Variants in BANK1 observed in about 807,000 individuals in gnomAD.
BANK1 encodes the protein B cell scaffold protein with ankyrin repeats 1.
Under a neutral mutation model 94.5 loss-of-function variants are expected in BANK1, and 95 were observed. That is an observed-to-expected ratio of 1.00 (90% CI 0.85 to 1.19). BANK1 has a LOEUF of 1.19. BANK1 is among the 50% of genes most tolerant of loss of function. The pLI, the probability that BANK1 is intolerant of heterozygous loss-of-function variation, is 0.00. For missense variants in BANK1, 987 were observed against 932.2 expected, an observed-to-expected ratio of 1.06 and a Z score of -0.77; for synonymous variants, 334 against 308.4, an observed-to-expected ratio of 1.08 and a Z score of -0.87.
At position 101,955,214 on chromosome 4, in the gene BANK1, AAG is replaced by A. The variant is rs1234540356; in HGVS notation, c.1206+37029_1206+37030del. Among the ~76,000 whole-genome samples the A allele has an allele frequency of 9.2e-5, 14 of 152,164 alleles. 1 individual carries two copies. The highest frequency in any genetic ancestry group is 9.2e-4 in the Admixed American group (14 of 15,268). Reference sequence around the variant, plus strand: ...GAAACAGCAATAAAATCATTACTAAAAGAGATGATACGGTTAACATGGGAATA... The same window carrying A: ...GAAACAGCAATAAAATCATTACTAAAAGATGATACGGTTAACATGGGAATA... On this transcript the variant is annotated intron_variant, in intron 7 of 16. Transcript: ENST00000322953.
At chr4:101,882,790 A>G (rs1000880930) in intron 5 of BANK1, among the ~76,000 whole-genome samples, 5 of 151,962 alleles carry the variant, frequency 3.3e-5, no homozygotes, top group African/African-American at 9.7e-5. Flanking sequence ...ATTGGGAATT[A>G]CAACCACTCT....
At chr4:102,045,828 G>T (rs1256844669) in intron 11 of BANK1, among the ~76,000 whole-genome samples, 3 of 151,936 alleles carry the variant, frequency 2.0e-5, no homozygotes, top group African/African-American at 7.3e-5. Flanking sequence ...TCATGCTCAT[G>T]GGTAGGAAGA....
At chr4:102,007,628 A>T (rs539757605) in intron 7 of BANK1, among the ~76,000 whole-genome samples, 2 of 152,152 alleles carry the variant, frequency 1.3e-5, no homozygotes. Flanking sequence ...TAGTACATCT[A>T]TCAGAAAATA....
At chr4:101,951,851 C>T (rs1275823761) in intron 7 of BANK1, among the ~76,000 whole-genome samples, 3 of 142,726 alleles carry the variant, frequency 2.1e-5, no homozygotes, top group Admixed American at 1.4e-4. Flanking sequence ...GTACTCAGAA[C>T]CCATTTAGAT....
At chr4:101,822,205 C>CA (rs1726182759) in intron 1 of BANK1, among the ~76,000 whole-genome samples, 2 of 151,662 alleles carry the variant, frequency 1.3e-5, no homozygotes, top group South Asian at 4.2e-4. Context: ...TAAAAAAATA[C>CA]AAAAAATACA....
At chr4:101,811,562 A>T (rs959666602) in intron 1 of BANK1, among the ~76,000 whole-genome samples, 1 of 152,178 alleles carries the variant, frequency 6.6e-6, no homozygotes, top group Admixed American at 6.5e-5. Flanking sequence ...GTGTATATAC[A>T]TAAAGAAGCT....
intron 2 of BANK1, among the ~76,000 whole-genome samples, chr4:101,848,420 A>T (rs753461272): frequency 1.6e-4 from 24 of 151,704 alleles, no homozygotes; most frequent in Non-Finnish European, 3.2e-4. Context: ...CCATATTTTA[A>T]TTTTTTTTCT....
chr4:101,898,576 A>G (rs1321879743), intron 6 of BANK1, among the ~76,000 whole-genome samples: 1 of 152,080 alleles, frequency 6.6e-6, no homozygotes, highest in African/African-American at 2.4e-5. Context: ...AGGAATTGAA[A>G]AAGTATACAT....
At chr4:101,952,535 A>G (rs1560649766) in intron 7 of BANK1, among the ~76,000 whole-genome samples, 1 of 152,162 alleles carries the variant, frequency 6.6e-6, no homozygotes, top group Non-Finnish European at 1.5e-5. Context: ...CATAGTTATA[A>G]CAATAGAAAT....
At chr4:101,983,694 C>T (rs1725391504) in intron 7 of BANK1, among the ~76,000 whole-genome samples, 1 of 151,962 alleles carries the variant, frequency 6.6e-6, no homozygotes, top group African/African-American at 2.4e-5. Flanking sequence ...GACTTCCTAT[C>T]ACAAAGGATT....
chr4:101,803,940 G>C (rs1358721965), intron 1 of BANK1, among the ~76,000 whole-genome samples: 1 of 127,314 alleles, frequency 7.9e-6, no homozygotes, highest in African/African-American at 3.0e-5. Context: ...GGAGCTTGCA[G>C]TGAGCCGAGA....
chr4:101,983,871 A>G (rs1235078812), intron 7 of BANK1, among the ~76,000 whole-genome samples: 1 of 152,098 alleles, frequency 6.6e-6, no homozygotes, highest in Non-Finnish European at 1.5e-5. Context: ...AACATATTGG[A>G]TAGCATTAAT....
intron 2 of BANK1, among the ~76,000 whole-genome samples, chr4:101,843,449 G>C (rs543386543): frequency 6.6e-6 from 1 of 151,996 alleles, no homozygotes; most frequent in Non-Finnish European, 1.5e-5. Context: ...ATTGTTAATT[G>C]AAACATTAGT....
intron 13 of BANK1, among the ~76,000 whole-genome samples, chr4:102,063,361 A>T (rs1728487607): frequency 6.6e-6 from 1 of 151,804 alleles, no homozygotes; most frequent in Non-Finnish European, 1.5e-5. Context: ...TAACATATAA[A>T]ATACTTATCA....
chr4:101,842,433 A>C (rs1483128500), intron 2 of BANK1, among the ~76,000 whole-genome samples: 2 of 152,222 alleles, frequency 1.3e-5, no homozygotes, highest in Non-Finnish European at 2.9e-5. Flanking sequence ...AATTGTCACA[A>C]AAACATTAGG....
At position 101,943,242 on chromosome 4, in the gene BANK1, C is replaced by T. The variant is rs182316398; in HGVS notation, c.1206+25053C>T. On this transcript the variant is annotated intron_variant, in intron 7 of 16. Transcript: ENST00000322953. ...GTCATATTAGCAAATTAGTGCCTTG[C>T]CCTCAAGGCAATGGAGAATATTAAA... Among the ~76,000 whole-genome samples, 393 of 152,040 alleles carry T rather than the reference C, an allele frequency of 2.6e-3. 1 individual carries two copies. The highest frequency in any genetic ancestry group is 4.3e-3 in the Non-Finnish European group (291 of 67,908).
At chr4:101,828,134 A>G (rs1444102340) in intron 1 of BANK1, among the ~76,000 whole-genome samples, 1 of 116,394 alleles carries the variant, frequency 8.6e-6, no homozygotes, top group African/African-American at 4.3e-5. Flanking sequence ...CAGAATTAAT[A>G]TTTACTTCAT....
In BANK1 at chr4:102,060,281, C is replaced by T; in HGVS notation, c.2040C>T (p.Leu680=). The T allele has an allele frequency of 6.2e-7, 1 of 1,610,064 alleles. No homozygotes were observed. The highest frequency in any genetic ancestry group is 8.5e-7 in the Non-Finnish European group (1 of 1,178,586). ...GTCTAACTGATGGTCAGGAAGAACT[C>T]ATCCTCCTGCAGGAGAAAGTAAAGA... The part of the protein sequence containing the change: ...RGCLTDGQEE[L]ILLQEKVKNG... Residue 680 remains leucine (L), a synonymous_variant, in exon 12 of 17, where the codon CTC becomes CTT. Transcript: ENST00000322953.
chr4:101,892,159 A>G (rs1721900386), intron 5 of BANK1, among the ~76,000 whole-genome samples: 2 of 151,136 alleles, frequency 1.3e-5, no homozygotes, highest in Admixed American at 6.6e-5. Flanking sequence ...AGTAAATTCC[A>G]TAATTCTGAA....
Sources: gnomAD v4.1 joint callset for allele counts (sites outside exome capture counted in the v4.1 genomes callset) on GRCh38, gnomAD v4.1.1 for gene constraint, MANE v1.5 for transcripts, NCBI Gene and HGNC (gene_info 2026-07-23, HGNC 2026-07-21) for gene names.